Variants in MOV10L1 observed in about 807,000 individuals in gnomAD.
The protein encoded by MOV10L1 is RNA helicase Mov10l1.
MOV10L1 carries 110 observed loss-of-function variants against 143.8 expected under a neutral mutation model. The observed-to-expected ratio is 0.76, with a 90% CI of 0.66 to 0.90. MOV10L1 has a LOEUF of 0.90. MOV10L1 is among the 40% of genes least tolerant of loss of function. MOV10L1 has a pLI of 0.00. For missense variants in MOV10L1, 1,406 were observed against 1,526.8 expected, an observed-to-expected ratio of 0.92 and a Z score of 1.32; for synonymous variants, 593 against 581.1, an observed-to-expected ratio of 1.02 and a Z score of -0.29.
chr22:50,157,370 G>A (rs1240360142), intron 22 of MOV10L1, among the ~76,000 whole-genome samples: 1 of 152,052 alleles, frequency 6.6e-6, no homozygotes, highest in Non-Finnish European at 1.5e-5. Context: ...TTTAGTTATT[G>A]CCAGTGGCTT....
At chr22:50,091,974 G>A in intron 1 of MOV10L1, 27 bp from the exon 2 acceptor site, 1 of 1,603,912 alleles carries the variant, frequency 6.2e-7, no homozygotes. Flanking sequence ...TTATGGCCAA[G>A]ATAACTTCTT....
chr22:50,092,202 T>C lies in MOV10L1; in HGVS notation c.282+17T>C, dbSNP rs2062464627. 6.2e-7 allele frequency: 1 copy of C among 1,604,922 alleles called. No homozygotes were observed. Among genetic ancestry groups the C allele is most frequent in the South Asian group, 1.1e-5 (1 of 90,070 alleles). On this transcript the variant is annotated intron_variant, in intron 2 of 26. Coordinates refer to ENST00000262794, the MANE Select transcript of MOV10L1 (RefSeq NM_018995.3). ...GCAATCAGGGTAAGGTTTGAGTTCA[T>C]TTGGGAACAGTTTTTCTTCGCCACG...
At chr22:50,160,942 G>A (rs2063545266) in intron 25 of MOV10L1, 22 bp from the exon 26 acceptor site, 2 of 1,614,004 alleles carry the variant, frequency 1.2e-6, no homozygotes, top group Admixed American at 3.3e-5. Flanking sequence ...TCTCACACCA[G>A]GCTAATTGTT....
At chr22:50,097,592 T>G (rs2062621373) in intron 2 of MOV10L1, among the ~76,000 whole-genome samples, 1 of 152,208 alleles carries the variant, frequency 6.6e-6, no homozygotes, top group Admixed American at 6.5e-5. Context: ...CTGGGTCTCT[T>G]TACTATTCCA....
chr22:50,092,380 C>T (rs532831312), intron 2 of MOV10L1, among the ~76,000 whole-genome samples, 195 bp downstream of exon 2: 28 of 152,200 alleles, frequency 1.8e-4, no homozygotes, highest in Admixed American at 3.3e-4. Flanking sequence ...CCTGTAATCC[C>T]AGCACTTTGG....
rs572426842 is a variant in MOV10L1 at position 50,144,802 on chromosome 22, C to G, written c.2505+559C>G. On this transcript the variant is annotated intron_variant, in intron 18 of 26. Coordinates refer to ENST00000262794, the MANE Select transcript of MOV10L1 (RefSeq NM_018995.3). The stretch of plus-strand genomic sequence containing the variant: ...TTCACCGTGTTAGCCAGGATGGTCT[C>G]GATCTCCTGACCTCATGATCTGCCC... Among the ~76,000 whole-genome samples the G allele has an allele frequency of 4.6e-5, 7 of 152,104 alleles. No individual in the cohort carries two copies. The South Asian group carries it at 1.2e-3, about 27-fold the overall frequency.
intron 5 of MOV10L1, 152 bp downstream of exon 5, chr22:50,108,996 T>G: frequency 1.4e-6 from 1 of 693,128 alleles, no homozygotes; most frequent in Non-Finnish European, 2.3e-6. Context: ...AGTACAAAAT[T>G]AGCTGGGCGT....
At chr22:50,097,247 GGACTACAGGTGT>G (rs1311103727) in intron 2 of MOV10L1, among the ~76,000 whole-genome samples, 1 of 151,944 alleles carries the variant, frequency 6.6e-6, no homozygotes, top group Non-Finnish European at 1.5e-5. Flanking sequence ...TGAGCAGCTG[GGACTACAGGTGT>G]GTGCTGCCTC....
intron 13 of MOV10L1, among the ~76,000 whole-genome samples, chr22:50,133,553 T>A (rs555642568): frequency 2.0e-5 from 3 of 151,660 alleles, no homozygotes; most frequent in South Asian, 2.1e-4. Flanking sequence ...TTTACAAAAA[T>A]TTTTTTAGAC....
Position 50,125,391 on chromosome 22 carries a change from G to C in MOV10L1, c.1570-1G>C. 1 of 1,613,970 alleles carries C rather than the reference G, an allele frequency of 6.2e-7. No homozygotes were observed. The highest frequency in any genetic ancestry group is 1.7e-5 in the Admixed American group (1 of 60,022). On this transcript the variant is annotated splice_acceptor_variant, in intron 10 of 26. Coordinates refer to ENST00000262794, the MANE Select transcript of MOV10L1 (RefSeq NM_018995.3). LOFTEE classifies it high-confidence loss of function. ...CTTTATAACATTTGGGTGTTTTCCA[G>C]CTTCTGAACATGTCAAATTACAAGG...
chr22:50,157,644 T>G (rs1176534958), intron 22 of MOV10L1, among the ~76,000 whole-genome samples: 1 of 152,036 alleles, frequency 6.6e-6, no homozygotes, highest in African/African-American at 2.4e-5. Flanking sequence ...TATTTCTAAG[T>G]TCTCCGTTCT....
chr22:50,141,263 C>G (rs1313539178), intron 15 of MOV10L1, among the ~76,000 whole-genome samples: 1 of 152,038 alleles, frequency 6.6e-6, no homozygotes, highest in Non-Finnish European at 1.5e-5. Context: ...GTCTCGATCT[C>G]TTGACCTTGT....
At chr22:50,101,522 T>C (rs1016956406) in intron 3 of MOV10L1, among the ~76,000 whole-genome samples, 1 of 151,732 alleles carries the variant, frequency 6.6e-6, no homozygotes, top group African/African-American at 2.4e-5. Context: ...GGTTTTGTTT[T>C]TTTTTTCTTT....
At chr22:50,102,778 G>A (rs2061778107) in intron 3 of MOV10L1, among the ~76,000 whole-genome samples, 1 of 152,146 alleles carries the variant, frequency 6.6e-6, no homozygotes, top group African/African-American at 2.4e-5. Context: ...GTGCATGCCT[G>A]TAATCCCAGC....
intron 15 of MOV10L1, among the ~76,000 whole-genome samples, chr22:50,137,915 GTATC>G (rs1413124567): frequency 6.7e-6 from 1 of 149,426 alleles, no homozygotes; most frequent in African/African-American, 2.5e-5. Context: ...ATACATATAT[GTATC>G]TATGTATATG....
chr22:50,131,200 A>T (rs370022102), intron 13 of MOV10L1, among the ~76,000 whole-genome samples: 2 of 151,674 alleles, frequency 1.3e-5, no homozygotes, highest in East Asian at 1.9e-4. Context: ...GGGCCACCAC[A>T]CCCGGCCACT....
chr22:50,147,607 T>C (rs1411992750), intron 19 of MOV10L1, among the ~76,000 whole-genome samples: 2 of 152,032 alleles, frequency 1.3e-5, no homozygotes, highest in African/African-American at 4.8e-5. Context: ...GGGAGGGTGC[T>C]GCAGCCCAGC....
At chr22:50,129,524 A>T (rs781029280) in intron 13 of MOV10L1, among the ~76,000 whole-genome samples, 1 of 152,060 alleles carries the variant, frequency 6.6e-6, no homozygotes, top group Non-Finnish European at 1.5e-5. Context: ...TTTTCTGTTG[A>T]TGGACATCTT....
intron 3 of MOV10L1, 87 bp downstream of exon 3, chr22:50,099,689 T>C: frequency 6.9e-7 from 1 of 1,448,216 alleles, no homozygotes; most frequent in Non-Finnish European, 9.4e-7. Context: ...GGCTCATGCC[T>C]ATAATCCCAG....
Sources: gnomAD v4.1 joint callset for allele counts (sites outside exome capture counted in the v4.1 genomes callset) on GRCh38, gnomAD v4.1.1 for gene constraint, MANE v1.5 for transcripts, NCBI Gene and HGNC (gene_info 2026-07-23, HGNC 2026-07-21) for gene names.